The following RAPGEF4 variants were observed in gnomAD, a reference collection of about 807,000 sequenced individuals.
RAPGEF4 encodes the protein Rap guanine nucleotide exchange factor 4.
A neutral mutation model predicts 147.9 loss-of-function variants in RAPGEF4; 66 were observed. The observed-to-expected ratio is 0.45, with a 90% CI of 0.37 to 0.55. The LOEUF is 0.55. Ranked by LOEUF, RAPGEF4 falls within the 20% of genes least tolerant of loss-of-function variation. RAPGEF4 has a pLI of 0.00. For synonymous variants in RAPGEF4, 419 were observed against 442.7 expected, an observed-to-expected ratio of 0.95 and a Z score of 0.67; for missense variants, 1,071 against 1,257.3, an observed-to-expected ratio of 0.85 and a Z score of 2.24.
chr2:172,988,695 T>C lies in RAPGEF4; in HGVS notation c.1230T>C (p.Gly410=). 6.2e-7 allele frequency: 1 copy of C among 1,611,652 alleles called. No individual in the cohort carries two copies. The highest frequency in any genetic ancestry group is 8.5e-7 in the Non-Finnish European group (1 of 1,177,808). ...GSVNVVIYGK[G]VVCTLHEGDD... The stretch of plus-strand genomic sequence containing the variant: ...TCTGTGTGCTCTACTCTATCCAGGG[T>C]GTGGTCTGCACCCTGCATGAAGGAG... Residue 410 remains glycine, a splice_region_variant and synonymous_variant, in exon 14 of 31, where the codon GGT becomes GGC. Transcript: ENST00000397081.
intron 15 of RAPGEF4, among the ~76,000 whole-genome samples, chr2:172,995,246 TG>T (rs1433710600): frequency 0.012 from 12 of 1,016 alleles, no homozygotes; most frequent in African/African-American, 0.016. Context: ...CTTGCCTGTT[TG>T]TGTGTGTGTG....
intron 17 of RAPGEF4, 39 bp from the exon 18 acceptor site, chr2:173,014,425 G>A (rs200806177): frequency 1.4e-5 from 22 of 1,612,398 alleles, no homozygotes; most frequent in East Asian, 2.2e-5. Flanking sequence ...TGTGAAATGA[G>A]TGTGAAATGG....
At chr2:173,017,055 C>A in intron 19 of RAPGEF4, 119 bp from the exon 20 acceptor site, 1 of 966,744 alleles carries the variant, frequency 1.0e-6, no homozygotes, top group Non-Finnish European at 1.6e-6. Context: ...CTCATATTGT[C>A]TCCTGAAAGG....
chr2:172,843,780 G>A (rs191767726), intron 4 of RAPGEF4, among the ~76,000 whole-genome samples: 14 of 152,284 alleles, frequency 9.2e-5, no homozygotes, highest in East Asian at 1.9e-4. Flanking sequence ...TGAGAATAGC[G>A]TTACTTGGAA....
intron 1 of RAPGEF4, among the ~76,000 whole-genome samples, chr2:172,757,870 C>T (rs1468742556): frequency 6.6e-6 from 1 of 152,176 alleles, no homozygotes; most frequent in African/African-American, 2.4e-5. Context: ...AAAGAAACAC[C>T]TTCTAGGTGC....
intron 1 of RAPGEF4, among the ~76,000 whole-genome samples, chr2:172,790,260 G>A (rs1223531953): frequency 6.6e-6 from 1 of 152,074 alleles, no homozygotes; most frequent in Non-Finnish European, 1.5e-5. Flanking sequence ...TTGGAGAAAT[G>A]TCTATTCAAG....
intron 26 of RAPGEF4, 82 bp from the exon 27 acceptor site, chr2:173,033,832 T>A: frequency 7.7e-7 from 1 of 1,291,972 alleles, no homozygotes; most frequent in Non-Finnish European, 1.1e-6. Flanking sequence ...GGATATATAT[T>A]TCCCCTAGAA....
chr2:173,005,382 T>A (rs1367891335), intron 17 of RAPGEF4, among the ~76,000 whole-genome samples: 2 of 152,182 alleles, frequency 1.3e-5, no homozygotes, highest in Non-Finnish European at 2.9e-5. Context: ...ACGAAGTCAA[T>A]ACTATTTTGA....
Position 172,920,818 on chromosome 2 carries a change from G to A in RAPGEF4, c.518-1463G>A, listed in dbSNP as rs551228191. Reference sequence around the variant, plus strand: ...GTTCTTTCAGATGGATGATGGATGGGTGGATGGATGAATGGATGATTTGGG... The same window carrying A: ...GTTCTTTCAGATGGATGATGGATGGATGGATGGATGAATGGATGATTTGGG... On this transcript the variant is annotated intron_variant, in intron 5 of 30. Transcript: ENST00000397081. Among the ~76,000 whole-genome samples the A allele has an allele frequency of 4.6e-5, 7 of 152,242 alleles. No homozygotes were observed. The South Asian group carries it at 1.0e-3, about 23-fold the overall frequency.
At chr2:172,989,797 C>G (rs1692645156) in intron 14 of RAPGEF4, among the ~76,000 whole-genome samples, 1 of 152,116 alleles carries the variant, frequency 6.6e-6, no homozygotes, top group South Asian at 2.1e-4. Flanking sequence ...GAGCAGGGTC[C>G]CTTCTGTCCC....
chr2:173,036,704 A>T lies in RAPGEF4; in HGVS notation c.2853+12A>T. 1 of 1,570,232 alleles carries T rather than the reference A, an allele frequency of 6.4e-7. No individual in the cohort carries two copies. The highest frequency in any genetic ancestry group is 8.7e-7 in the Non-Finnish European group (1 of 1,151,046). On this transcript the variant is annotated intron_variant, in intron 29 of 30. Coordinates refer to ENST00000397081, the MANE Select transcript of RAPGEF4 (RefSeq NM_007023.4). ...ACTTTGAAAAAATGGTATGTGCAGT[A>T]TTATAACCTTAACCACAATGTGTTT...
intron 10 of RAPGEF4, among the ~76,000 whole-genome samples, chr2:172,981,431 G>A (rs1691674976): frequency 6.6e-6 from 1 of 152,192 alleles, no homozygotes; most frequent in African/African-American, 2.4e-5. Flanking sequence ...GGCCGAGAAG[G>A]CCTGGCTCCT....
chr2:172,760,306 A>G (rs548161383), intron 1 of RAPGEF4, among the ~76,000 whole-genome samples: 2 of 152,354 alleles, frequency 1.3e-5, no homozygotes, highest in Non-Finnish European at 2.9e-5. Context: ...ATGAACACAG[A>G]GCATATGAAA....
At chr2:173,007,984 C>T (rs1475692510) in intron 17 of RAPGEF4, among the ~76,000 whole-genome samples, 2 of 152,312 alleles carry the variant, frequency 1.3e-5, no homozygotes, top group Non-Finnish European at 2.9e-5. Flanking sequence ...TGTCCCCACC[C>T]AAATCTCATC....
chr2:172,946,371 T>C (rs1281863268), intron 6 of RAPGEF4, among the ~76,000 whole-genome samples: 1 of 152,202 alleles, frequency 6.6e-6, no homozygotes, highest in Admixed American at 6.5e-5. Flanking sequence ...TTATATGTAA[T>C]GGAAAAATAG....
At chr2:172,897,414 A>G (rs1022458040) in intron 4 of RAPGEF4, among the ~76,000 whole-genome samples, 4 of 151,764 alleles carry the variant, frequency 2.6e-5, no homozygotes, top group Non-Finnish European at 4.4e-5. Flanking sequence ...ATATATAGAG[A>G]GAGAGACAGG....
intron 27 of RAPGEF4, among the ~76,000 whole-genome samples, chr2:173,034,951 G>A (rs1280773854): frequency 3.3e-5 from 5 of 151,416 alleles, no homozygotes; most frequent in Non-Finnish European, 7.4e-5. Flanking sequence ...CCTTTCTTTT[G>A]TAGCTATATT....
chr2:172,787,738 A>G (rs964763170), intron 1 of RAPGEF4, among the ~76,000 whole-genome samples: 21 of 150,872 alleles, frequency 1.4e-4, no homozygotes, highest in Non-Finnish European at 1.8e-4. Flanking sequence ...TCCTGTCTCA[A>G]CCTCCTGAGT....
intron 4 of RAPGEF4, among the ~76,000 whole-genome samples, chr2:172,842,858 A>G (rs1454928082): frequency 6.6e-6 from 1 of 152,196 alleles, no homozygotes; most frequent in African/African-American, 2.4e-5. Context: ...GAGGGGAGAT[A>G]CTGTTGTGGC....
Sources: allele counts gnomAD v4.1 joint callset (sites outside exome capture counted in the v4.1 genomes callset), GRCh38; gene constraint gnomAD v4.1.1; transcripts MANE v1.5; gene names NCBI Gene and HGNC (gene_info 2026-07-23, HGNC 2026-07-21).